DPP10: variants seen among roughly 807,000 people sequenced by gnomAD.
The protein encoded by DPP10 is inactive dipeptidyl peptidase 10.
A neutral mutation model predicts 120.9 loss-of-function variants in DPP10; 33 were observed. That is an observed-to-expected ratio of 0.27 (90% CI 0.21 to 0.37). The LOEUF is 0.37. DPP10 is among the 10% of genes least tolerant of loss of function. DPP10 has a pLI of 1.00. For missense variants in DPP10, 816 were observed against 942.8 expected (o/e 0.87, Z 1.76); for synonymous variants, 337 against 326.1 (o/e 1.03, Z -0.36).
intron 1 of DPP10, among the ~76,000 whole-genome samples, chr2:115,052,847 G>A (rs1452264281): frequency 1.3e-5 from 2 of 151,586 alleles, no homozygotes; most frequent in African/African-American, 4.9e-5. Flanking sequence ...AGCTACTCAG[G>A]AGGCTTAGGC....
At chr2:114,451,927 A>G (rs1437339959) in intron 1 of DPP10, among the ~76,000 whole-genome samples, 2 of 152,184 alleles carry the variant, frequency 1.3e-5, no homozygotes, top group Admixed American at 6.6e-5. Flanking sequence ...CAGAAGGTAA[A>G]TCTTAACAAG....
chr2:115,525,061 G>T (rs1024584383), intron 4 of DPP10, among the ~76,000 whole-genome samples: 2 of 152,032 alleles, frequency 1.3e-5, no homozygotes, highest in Admixed American at 6.6e-5. Context: ...AAACTATAAG[G>T]TGTGCACAAT....
chr2:114,795,506 A>G (rs979893011), intron 1 of DPP10, among the ~76,000 whole-genome samples: 1 of 152,030 alleles, frequency 6.6e-6, no homozygotes, highest in East Asian at 1.9e-4. Flanking sequence ...GAAAAAAAAA[A>G]AAAGGCTAGT....
chr2:114,456,733 A>C (rs1049613203), intron 1 of DPP10, among the ~76,000 whole-genome samples: 5 of 152,264 alleles, frequency 3.3e-5, no homozygotes, highest in Non-Finnish European at 7.3e-5. Flanking sequence ...TATTTCAGGC[A>C]TTTAAAGTAC....
intron 3 of DPP10, among the ~76,000 whole-genome samples, chr2:115,402,482 C>T (rs566185919): frequency 3.9e-5 from 6 of 151,944 alleles, no homozygotes; most frequent in Middle Eastern, 3.4e-3. Flanking sequence ...CACTAAAATA[C>T]GAAGAATCAT....
chr2:115,675,983 T>G (rs1199699761), intron 5 of DPP10, among the ~76,000 whole-genome samples: 1 of 152,152 alleles, frequency 6.6e-6, no homozygotes, highest in Non-Finnish European at 1.5e-5. Flanking sequence ...CTGAAGCACA[T>G]GCAGGACCCT....
At chr2:115,320,196 GCT>G (rs1189938163) in intron 2 of DPP10, among the ~76,000 whole-genome samples, 1 of 152,058 alleles carries the variant, frequency 6.6e-6, no homozygotes, top group African/African-American at 2.4e-5. Flanking sequence ...AACAAATTCT[GCT>G]CTTTCTTGAT....
intron 3 of DPP10, among the ~76,000 whole-genome samples, chr2:115,401,912 A>G (rs1391038989): frequency 6.6e-6 from 1 of 152,130 alleles, no homozygotes; most frequent in Non-Finnish European, 1.5e-5. Context: ...AAAAAATTCA[A>G]AACATCTACT....
intron 2 of DPP10, among the ~76,000 whole-genome samples, chr2:115,318,399 A>C (rs960884169): frequency 6.6e-6 from 1 of 152,120 alleles, no homozygotes; most frequent in Non-Finnish European, 1.5e-5. Context: ...TTGCTTTGCT[A>C]TGAAGAGCCC....
At chr2:115,573,648 C>T (rs1424159820) in intron 5 of DPP10, among the ~76,000 whole-genome samples, 1 of 134,028 alleles carries the variant, frequency 7.5e-6, no homozygotes, top group Admixed American at 8.4e-5. Context: ...AGTGCAGTAG[C>T]GCAATCTTGG....
intron 5 of DPP10, among the ~76,000 whole-genome samples, chr2:115,580,550 C>A (rs1025957883): frequency 6.6e-6 from 1 of 152,146 alleles, no homozygotes; most frequent in African/African-American, 2.4e-5. Context: ...ACATGTGCTC[C>A]TGCAGGCACG....
chr2:115,123,664 G>A (rs2049933396), intron 1 of DPP10, among the ~76,000 whole-genome samples: 1 of 152,048 alleles, frequency 6.6e-6, no homozygotes. Context: ...GGTGTCAGCT[G>A]AGACCAATTA....
intron 5 of DPP10, among the ~76,000 whole-genome samples, chr2:115,600,178 C>A (rs1174550370): frequency 1.3e-5 from 2 of 152,064 alleles, no homozygotes; most frequent in Admixed American, 1.3e-4. Context: ...TATGCTGCCC[C>A]AAGTTTTGAT....
At chr2:115,122,809 C>G (rs1164566266) in intron 1 of DPP10, among the ~76,000 whole-genome samples, 2 of 152,136 alleles carry the variant, frequency 1.3e-5, no homozygotes, top group Non-Finnish European at 1.5e-5. Flanking sequence ...GCCTCCTGTC[C>G]AAGAGGGCCA....
chr2:115,033,893 C>CTTTTTTTT (rs965717193), intron 1 of DPP10, among the ~76,000 whole-genome samples: 174 of 89,852 alleles, frequency 1.9e-3, no homozygotes, highest in East Asian at 6.5e-3. Flanking sequence ...TTTTCTTTTT[C>CTTTTTTTT]TTTTTTTTTT....
chr2:114,591,338 T>C (rs949185099), intron 1 of DPP10, among the ~76,000 whole-genome samples: 3 of 152,150 alleles, frequency 2.0e-5, no homozygotes, highest in Non-Finnish European at 4.4e-5. Context: ...GCACAGACAG[T>C]AGTAAAGCAA....
intron 8 of DPP10, among the ~76,000 whole-genome samples, chr2:115,736,929 C>G (rs898422646): frequency 6.6e-6 from 1 of 152,104 alleles, no homozygotes; most frequent in Non-Finnish European, 1.5e-5. Flanking sequence ...ATAGGTGGAC[C>G]CTTATTAGTT....
intron 4 of DPP10, among the ~76,000 whole-genome samples, chr2:115,500,338 C>G (rs1471278045): frequency 1.3e-5 from 2 of 151,886 alleles, no homozygotes; most frequent in Non-Finnish European, 2.9e-5. Context: ...TTTCAATAGA[C>G]TGCCAATTAG....
At chr2:114,821,963 A>G (rs1686126104) in intron 1 of DPP10, among the ~76,000 whole-genome samples, 2 of 152,122 alleles carry the variant, frequency 1.3e-5, no homozygotes, top group Admixed American at 6.5e-5. Context: ...TTCCAGGTAC[A>G]TGGTGCAAGC....
Sources: allele counts gnomAD v4.1 joint callset (sites outside exome capture counted in the v4.1 genomes callset), GRCh38; gene constraint gnomAD v4.1.1; transcripts MANE v1.5; gene names NCBI Gene and HGNC (gene_info 2026-07-23, HGNC 2026-07-21).